The following CD68 variants were observed in gnomAD, a reference collection of about 807,000 sequenced individuals.
CD68 encodes the protein macrosialin.
In CD68, 24 loss-of-function variants were observed where a neutral mutation model predicts 31.3. The observed-to-expected ratio is 0.77, with a 90% CI of 0.55 to 1.08. The LOEUF (loss-of-function observed/expected upper bound fraction) is 1.08, where lower values mean the gene tolerates loss of function less well. Ranked by LOEUF, CD68 falls within the 50% of genes least tolerant of loss-of-function variation. The pLI is 0.00. For synonymous variants in CD68, 190 were observed against 179.6 expected (o/e 1.06, Z -0.46); for missense variants, 461 against 442.5 (o/e 1.04, Z -0.38).
chr17:7,580,477 C>T lies in CD68; in HGVS notation c.579C>T (p.Ile193=). 1 of 1,614,072 alleles carries T rather than the reference C, an allele frequency of 6.2e-7. No homozygotes were observed. ...TTQGGGEAWG[I]SVLNPNKTKV... is the part of the protein sequence containing the mutation. ...TTTAACTTCCGCAGGCCTGGGGCAT[C>T]TCTGTACTGAACCCCAACAAAACCA... The change falls in exon 3 of 6, where the codon ATC becomes ATT. Residue 193 remains isoleucine, a synonymous_variant. Coordinates refer to ENST00000250092, the MANE Select transcript of CD68 (RefSeq NM_001251.3). This position sits in a 1 kb window ranked among gnomAD's most constrained non-coding sequence, Gnocchi z 4.3.
At chr17:7,581,281 A>G in intron 5 of CD68, 97 bp from the exon 6 acceptor site, 1 of 1,461,792 alleles carries the variant, frequency 6.8e-7, no homozygotes, top group Non-Finnish European at 9.5e-7. Flanking sequence ...GCTCCTCACC[A>G]ATCTCCTACT....
At position 7,581,673 on chromosome 17, in the gene CD68, G is replaced by A; in HGVS notation, c.*162G>A. ...ATGACGGCTCATGCCTGTAATCCCAGCACTTTGGGAGGCTGAGGCAGGTGG... is the reference window on the plus strand; with the variant it reads ...ATGACGGCTCATGCCTGTAATCCCAACACTTTGGGAGGCTGAGGCAGGTGG... On this transcript the variant is annotated 3_prime_UTR_variant, in exon 6 of 6. Coordinates refer to ENST00000250092, the MANE Select transcript of CD68 (RefSeq NM_001251.3). 2.7e-6 allele frequency: 2 copies of A among 744,812 alleles called. No homozygotes were observed. The highest frequency in any genetic ancestry group is 4.3e-6 in the Non-Finnish European group (2 of 468,564). The allele number at this position is 744,812 out of a possible 1,614,324, so 46.1% of individuals were successfully genotyped here.
rs2071456802 is a variant in CD68, at chr17:7,579,698, C to A, written c.21C>A (p.Phe7Leu). 6.2e-7 allele frequency: 1 copy of A among 1,602,582 alleles called. No homozygotes were observed. The highest frequency in any genetic ancestry group is 8.5e-7 in the Non-Finnish European group (1 of 1,175,172). Residue 7 changes from phenylalanine (F) to leucine (L), a missense_variant, in exon 1 of 6, where the codon TTC (phenylalanine) becomes TTA (leucine). Physicochemically the swap from Phe to Leu is conservative, Grantham distance 22. Coordinates refer to ENST00000250092, the MANE Select transcript of CD68 (RefSeq NM_001251.3). MRLAVL[F>L]SGALLGLLAA... ...CAGCCATGAGGCTGGCTGTGCTTTT[C>A]TCGGGGGCCCTGCTGGGGCTACTGG... is the stretch of plus-strand genomic sequence containing the variant.
Position 7,580,579 on chromosome 17 carries a change from C to A in CD68, c.681C>A (p.Phe227Leu). Residue 227 changes from phenylalanine (F) to leucine (L), a missense_variant, in exon 3 of 6, where the codon TTC (phenylalanine) becomes TTA (leucine). Phe to Leu is a conservative substitution (Grantham distance 22). Transcript: ENST00000250092. The surrounding 1 kb of genome is among the most constrained non-coding windows in gnomAD (Gnocchi z 4.3). The part of the protein sequence containing the change: ...SFPYGHLSFG[F>L]MQDLQQKVVY... ...CCTATGGACACCTCAGCTTTGGATT[C>A]ATGCAGGTATAGCCATGACCTCAGT... 6.2e-7 allele frequency: 1 copy of A among 1,614,052 alleles called. No homozygotes were observed.
Position 7,580,650 on chromosome 17 carries a change from A to G in CD68, c.688-61A>G. On this transcript the variant is annotated intron_variant, in intron 3 of 5. Transcript: ENST00000250092. This position sits in a 1 kb window ranked among gnomAD's most constrained non-coding sequence, Gnocchi z 4.3. ...CCGGCGCCCCTCCCCTCCCAATCCC[A>G]CACGCTACTCCTTCCTCTGTGGAGA... The G allele has an allele frequency of 6.2e-7, 1 of 1,613,238 alleles. No individual in the cohort carries two copies. The highest frequency in any genetic ancestry group is 8.5e-7 in the Non-Finnish European group (1 of 1,179,610).
chr17:7,579,814 G>A lies in CD68; in HGVS notation c.54G>A (p.Gln18=), dbSNP rs34474840. The change falls in exon 2 of 6, where the codon CAG becomes CAA. Residue 18 remains glutamine (Q), a synonymous_variant. Coordinates refer to ENST00000250092, the MANE Select transcript of CD68 (RefSeq NM_001251.3). ...SGALLGLLAA[Q]GTGNDCPHKK... ...CCATCTCCTCTCTGCCAAAAGCCCA[G>A]GGGACAGGGAATGACTGTCCTCACA... 1.2e-3 allele frequency: 1,909 copies of A among 1,612,770 alleles called. 21 individuals carry two copies. The African/African-American group carries it at 0.02, about 17-fold the overall frequency.
chr17:7,579,998 A>C lies in CD68; in HGVS notation c.238A>C (p.Asn80His). The C allele has an allele frequency of 6.2e-7, 1 of 1,609,114 alleles. No homozygotes were observed. The highest frequency in any genetic ancestry group is 1.1e-5 in the South Asian group (1 of 90,906). Residue 80 changes from asparagine (N) to histidine (H), a missense_variant, in exon 2 of 6, where the codon AAC (asparagine) becomes CAC (histidine). Transcript: ENST00000250092. ...TSHGPTTATH[N>H]PTTTSHGNVT... ...CCACGGACCCACGACTGCCACTCAC[A>C]ACCCCACCACCACCAGCCATGGAAA...
chr17:7,581,585 C>A lies in CD68; in HGVS notation c.*74C>A. ...GGGGTACCCTTATTTCCTCGACACG[C>A]AACTGGCTCAAAGACAATGTTATTT... On this transcript the variant is annotated 3_prime_UTR_variant, in exon 6 of 6. Transcript: ENST00000250092. 2 of 1,454,050 alleles carry A rather than the reference C, an allele frequency of 1.4e-6. No homozygotes were observed. The highest frequency in any genetic ancestry group is 1.7e-5 in the Admixed American group (1 of 57,870). The allele number at this position is 1,454,050 out of a possible 1,614,324, so 90.1% of individuals were successfully genotyped here. A position where few individuals can be genotyped will look rare whatever the true frequency, so the allele number is the denominator to read the frequency against.
intron 5 of CD68, 136 bp downstream of exon 5, chr17:7,581,202 G>T (rs2071480492): frequency 1.7e-6 from 2 of 1,160,570 alleles, no homozygotes; most frequent in Non-Finnish European, 2.5e-6. Context: ...CTACAGGGCA[G>T]CTTTCTTTCC....
intron 5 of CD68, 121 bp downstream of exon 5, chr17:7,581,187 C>A: frequency 8.5e-7 from 1 of 1,177,046 alleles, no homozygotes; most frequent in Non-Finnish European, 1.2e-6. Context: ...CCCAGCTTGT[C>A]ATGGCTACAG....
At chr17:7,581,355 T>G (rs1438177444) in intron 5 of CD68, 23 bp from the exon 6 acceptor site, 1 of 1,613,990 alleles carries the variant, frequency 6.2e-7, no homozygotes, top group Non-Finnish European at 8.5e-7. Context: ...TGCAAATACC[T>G]ACCTGCCCTA....
Position 7,580,282 on chromosome 17 carries a change from C to G in CD68, c.522C>G (p.Ala174=). The G allele has an allele frequency of 6.2e-7, 1 of 1,613,910 alleles. No homozygotes were observed. The highest frequency in any genetic ancestry group is 1.7e-5 in the Admixed American group (1 of 59,978). Residue 174 remains alanine, a synonymous_variant, in exon 2 of 6, where the codon GCC becomes GCG. Coordinates refer to ENST00000250092, the MANE Select transcript of CD68 (RefSeq NM_001251.3). The surrounding 1 kb of genome is among the most constrained non-coding windows in gnomAD (Gnocchi z 4.3). ...CCCAGCCCTGTGTCCACCTCCAAGC[C>G]CAGATTCAGATTCGAGTCATGTACA... ...NGSQPCVHLQ[A]QIQIRVMYTT...
chr17:7,580,460 C>T lies in CD68; in HGVS notation c.568-6C>T. On this transcript the variant is annotated splice_polypyrimidine_tract_variant and splice_region_variant and intron_variant, in intron 2 of 5. Coordinates refer to ENST00000250092, the MANE Select transcript of CD68 (RefSeq NM_001251.3). The surrounding 1 kb of genome is among the most constrained non-coding windows in gnomAD (Gnocchi z 4.3). ...CTTGTGACCTTCCAGTCTTTAACTT[C>T]CGCAGGCCTGGGGCATCTCTGTACT... 1.9e-6 allele frequency: 3 copies of T among 1,614,000 alleles called. No individual in the cohort carries two copies. Among genetic ancestry groups the T allele is most frequent in the Non-Finnish European group, 1.7e-6 (2 of 1,179,968 alleles).
rs558136184 is a variant in CD68, at chr17:7,581,677, T to C, written c.*166T>C. ...CGGCTCATGCCTGTAATCCCAGCAC[T>C]TTGGGAGGCTGAGGCAGGTGGATCA... is the stretch of plus-strand genomic sequence containing the variant. On this transcript the variant is annotated 3_prime_UTR_variant, in exon 6 of 6. Transcript: ENST00000250092. 45 of 708,058 alleles carry C rather than the reference T, an allele frequency of 6.4e-5. No homozygotes were observed. The East Asian group carries it at 1.2e-3, about 19-fold the overall frequency. 43.9% of individuals were successfully genotyped at this position (708,058 alleles called of 1,614,324 possible).
At position 7,580,963 on chromosome 17, in the gene CD68, T is replaced by C. The variant is rs555233388; in HGVS notation, c.828T>C (p.Ser276=). The change falls in exon 5 of 6, where the codon AGT becomes AGC. Residue 276 remains serine (S), a synonymous_variant. Coordinates refer to ENST00000250092, the MANE Select transcript of CD68 (RefSeq NM_001251.3). The surrounding 1 kb of genome is among the most constrained non-coding windows in gnomAD (Gnocchi z 4.3). ...AAGCACCCCTGGGGCAGAGCTTCAG[T>C]TGCAGCAACTCGAGCATCATTCTTT... is the stretch of plus-strand genomic sequence containing the variant. ...DLQAPLGQSF[S]CSNSSIILSP... The C allele has an allele frequency of 1.1e-5, 18 of 1,614,006 alleles. No homozygotes were observed. Among genetic ancestry groups the C allele is most frequent in the Middle Eastern group, 1.6e-4 (1 of 6,084 alleles).
rs2071485811 is a variant in CD68 at position 7,581,562 on chromosome 17, G to C, written c.*51G>C. ...TGAGGGGGTTGGGGTGTGGTGGGGG[G>C]GTACCCTTATTTCCTCGACACGCAA... On this transcript the variant is annotated 3_prime_UTR_variant, in exon 6 of 6. Transcript: ENST00000250092. The C allele has an allele frequency of 3.1e-6, 5 of 1,590,828 alleles. No individual in the cohort carries two copies. The South Asian group carries it at 5.5e-5, about 18-fold the overall frequency.
At position 7,580,054 on chromosome 17, in the gene CD68, T is replaced by G. The variant is rs749259856; in HGVS notation, c.294T>G (p.Thr98=). The change falls in exon 2 of 6, where the codon ACT becomes ACG. Residue 98 remains threonine (T), a synonymous_variant. Coordinates refer to ENST00000250092, the MANE Select transcript of CD68 (RefSeq NM_001251.3). This position sits in a 1 kb window ranked among gnomAD's most constrained non-coding sequence, Gnocchi z 4.3. The part of the protein sequence containing the change: ...NVTVHPTSNS[T]ATSQGPSTAT... ...CAGTTCATCCAACAAGCAATAGCAC[T>G]GCCACCAGCCAGGGACCCTCAACTG... 4 of 1,613,734 alleles carry G rather than the reference T, an allele frequency of 2.5e-6. No individual in the cohort carries two copies. The highest frequency in any genetic ancestry group is 3.4e-6 in the Non-Finnish European group (4 of 1,179,866).
chr17:7,579,704 G>A lies in CD68; in HGVS notation c.27G>A (p.Gly9=), dbSNP rs923135296. The A allele has an allele frequency of 3.1e-6, 5 of 1,603,802 alleles. No individual in the cohort carries two copies. Among genetic ancestry groups the A allele is most frequent in the Admixed American group, 1.7e-5 (1 of 57,278 alleles). Reference sequence around the variant, plus strand: ...TGAGGCTGGCTGTGCTTTTCTCGGGGGCCCTGCTGGGGCTACTGGCAGGTA... The same window carrying A: ...TGAGGCTGGCTGTGCTTTTCTCGGGAGCCCTGCTGGGGCTACTGGCAGGTA... MRLAVLFS[G]ALLGLLAAQG... is the part of the protein sequence containing the mutation. The change falls in exon 1 of 6, where the codon GGG becomes GGA. Residue 9 remains glycine (G), a synonymous_variant. Coordinates refer to ENST00000250092, the MANE Select transcript of CD68 (RefSeq NM_001251.3).
rs2071457722 is a variant in CD68 at position 7,579,736 on chromosome 17, AAGG to A, written c.49+14_49+16del. 6 of 1,603,524 alleles carry A rather than the reference AAGG, an allele frequency of 3.7e-6. No homozygotes were observed. Among genetic ancestry groups the A allele is most frequent in the Admixed American group, 1.7e-5 (1 of 58,022 alleles). Reference sequence around the variant, plus strand: ...CTGGGGCTACTGGCAGGTAAGGAGGAAGGAGGCTGAGGGGAGGGGGCCCCTGGG... The same window carrying A: ...CTGGGGCTACTGGCAGGTAAGGAGGAAGGCTGAGGGGAGGGGGCCCCTGGG... On this transcript the variant is annotated intron_variant, in intron 1 of 5. Coordinates refer to ENST00000250092, the MANE Select transcript of CD68 (RefSeq NM_001251.3).
Sources: allele counts gnomAD v4.1 joint callset, GRCh38; gene constraint gnomAD v4.1.1; non-coding constraint Gnocchi (gnomAD v3.1); transcripts MANE v1.5; gene names NCBI Gene and HGNC (gene_info 2026-07-23, HGNC 2026-07-21).